IPO7: variants seen among roughly 807,000 people sequenced by gnomAD.
IPO7 encodes importin-7.
Under a neutral mutation model 136.4 loss-of-function variants are expected in IPO7, and 13 were observed. The ratio of observed to expected loss-of-function variants is 0.10; its 90% CI spans 0.06 to 0.15. The LOEUF is 0.15. Among genes scored for constraint, IPO7 ranks in the 10% least tolerant of loss-of-function variants. The pLI, the probability that IPO7 is intolerant of heterozygous loss-of-function variation, is 1.00. For synonymous variants in IPO7, 403 were observed against 404.4 expected (o/e 1.00, Z 0.04); for missense variants, 857 against 1,240.6 (o/e 0.69, Z 4.65).
chr11:9,433,966 C>G, intron 18 of IPO7, 120 bp downstream of exon 18: 1 of 993,646 alleles, frequency 1.0e-6, no homozygotes. Flanking sequence ...TCTTGTTGCC[C>G]AGGCTGGAGT....
chr11:9,397,287 C>T (rs897683473), intron 1 of IPO7, among the ~76,000 whole-genome samples: 59 of 128,784 alleles, frequency 4.6e-4, no homozygotes, highest in African/African-American at 1.7e-3. Context: ...GAGTTCAAGA[C>T]CAGCCTGGCC....
At chr11:9,422,429 C>T (rs576644557) in intron 8 of IPO7, among the ~76,000 whole-genome samples, 6 of 150,682 alleles carry the variant, frequency 4.0e-5, no homozygotes, top group African/African-American at 1.5e-4. Flanking sequence ...TAAAAAAAGA[C>T]AATATCATTA....
intron 22 of IPO7, among the ~76,000 whole-genome samples, chr11:9,439,528 TATC>T (rs1178293347): frequency 1.1e-4 from 16 of 152,168 alleles, no homozygotes; most frequent in Non-Finnish European, 2.2e-4. Flanking sequence ...AAGGTACACA[TATC>T]ATTATAGTTA....
chr11:9,418,315 C>T (rs910697174), intron 6 of IPO7, among the ~76,000 whole-genome samples: 50 of 151,880 alleles, frequency 3.3e-4, no homozygotes, highest in African/African-American at 1.2e-3. Flanking sequence ...GTGATCCACC[C>T]GCCTCAGCCT....
intron 13 of IPO7, 71 bp from the exon 14 acceptor site, chr11:9,428,960 A>G (rs1215316990): frequency 1.5e-6 from 2 of 1,353,204 alleles, no homozygotes; most frequent in African/African-American, 1.4e-5. Context: ...CACAGAACTC[A>G]GGGAATAGAG....
intron 1 of IPO7, among the ~76,000 whole-genome samples, chr11:9,397,377 G>T (rs1333060380): frequency 1.3e-5 from 1 of 76,516 alleles, no homozygotes; most frequent in Non-Finnish European, 2.3e-5. Context: ...AGTCGGGCAC[G>T]GTGGCAGGTG....
chr11:9,415,736 G>T (rs542201776), intron 5 of IPO7, among the ~76,000 whole-genome samples: 9 of 152,172 alleles, frequency 5.9e-5, no homozygotes, highest in African/African-American at 2.2e-4. Flanking sequence ...TACTCAGGAG[G>T]CTGAGGCAGG....
intron 18 of IPO7, 25 bp downstream of exon 18, chr11:9,433,871 C>T (rs370802480): frequency 1.3e-6 from 2 of 1,594,740 alleles, no homozygotes; most frequent in African/African-American, 2.7e-5. Context: ...CATGGAAATA[C>T]TGAGGGTTTT....
At chr11:9,432,155 A>C (rs1247380684) in intron 16 of IPO7, among the ~76,000 whole-genome samples, 1 of 149,668 alleles carries the variant, frequency 6.7e-6, no homozygotes, top group South Asian at 2.1e-4. Context: ...CGTAAATTAC[A>C]TGTTTTCTGC....
chr11:9,387,387 TC>T (rs1167661583), intron 1 of IPO7, among the ~76,000 whole-genome samples: 12 of 152,228 alleles, frequency 7.9e-5, no homozygotes, highest in African/African-American at 2.2e-4. Flanking sequence ...CACATAGTTA[TC>T]CCCCTAACTT....
intron 10 of IPO7, 36 bp downstream of exon 10, chr11:9,423,912 T>A (rs747778993): frequency 7.9e-7 from 1 of 1,266,170 alleles, no homozygotes; most frequent in Admixed American, 1.7e-5. Context: ...ACAAAAAATG[T>A]CAGTAATTAA....
In IPO7 at chr11:9,384,720, C is replaced by T; in HGVS notation, c.-44C>T. ...GCGCAGTGAGTGGCGCTATTCCTGG[C>T]CCAGTAGCACCCGAGCCCCGGGTTT... On this transcript the variant is annotated 5_prime_UTR_variant, in exon 1 of 25. Transcript: ENST00000379719. 6.7e-7 allele frequency: 1 copy of T among 1,494,066 alleles called. No homozygotes were observed. The highest frequency in any genetic ancestry group is 9.1e-7 in the Non-Finnish European group (1 of 1,095,348). The allele number at this position is 1,494,066 out of a possible 1,614,324, so 92.6% of individuals were successfully genotyped here.
chr11:9,408,311 AGT>A (rs1854917215), intron 2 of IPO7, among the ~76,000 whole-genome samples, 173 bp from the exon 3 acceptor site: 1 of 152,162 alleles, frequency 6.6e-6, no homozygotes, highest in Non-Finnish European at 1.5e-5. Context: ...TTGCTGTAAC[AGT>A]GTTCAATTTG....
chr11:9,435,156 G>A lies in IPO7; in HGVS notation c.2172+125G>A, dbSNP rs375050343. On this transcript the variant is annotated intron_variant, in intron 19 of 24. Coordinates refer to ENST00000379719, the MANE Select transcript of IPO7 (RefSeq NM_006391.3). ...AAACATGGATCTGACAGAATTAAGG[G>A]CTTTAAAAGTTAAAAGTCATTGGTC... The A allele has an allele frequency of 1.7e-5, 11 of 644,200 alleles. No homozygotes were observed. The Middle Eastern group carries it at 1.8e-3, about 104-fold the overall frequency. 39.9% of individuals were successfully genotyped at this position (644,200 alleles called of 1,614,324 possible). A position where few individuals can be genotyped will look rare whatever the true frequency, so the allele number is the denominator to read the frequency against.
chr11:9,443,919 G>A (rs1313174728), intron 24 of IPO7, among the ~76,000 whole-genome samples: 7 of 150,782 alleles, frequency 4.6e-5, no homozygotes, highest in Admixed American at 6.6e-5. Flanking sequence ...AAAAACTTAC[G>A]AAGTTAAATA....
chr11:9,417,468 T>G (rs56067293), intron 6 of IPO7, among the ~76,000 whole-genome samples: 3,086 of 152,250 alleles, frequency 0.02, 102 homozygotes, highest in African/African-American at 0.069. Context: ...TTAGCCTAGT[T>G]AATTTGTCAG....
At chr11:9,385,620 A>G (rs749919224) in intron 1 of IPO7, among the ~76,000 whole-genome samples, 7 of 152,140 alleles carry the variant, frequency 4.6e-5, no homozygotes, top group Non-Finnish European at 7.4e-5. Context: ...CATTCATAAA[A>G]TTACGCCACA....
chr11:9,432,333 CTG>C (rs1338969403), intron 16 of IPO7, among the ~76,000 whole-genome samples: 1 of 151,850 alleles, frequency 6.6e-6, no homozygotes, highest in Non-Finnish European at 1.5e-5. Context: ...TCCTGAGTAA[CTG>C]GGAGTGCAGG....
In IPO7 at chr11:9,435,020, A is replaced by G. The variant is rs747379257; in HGVS notation, c.2161A>G (p.Met721Val). ...DTKYLEMIYS[M>V]CKKVLTGVAG... ...CAAGTATCTTGAAATGATATACAGT[A>G]TGTGCAAAAAGGTAGGTCATTTTTA... Residue 721 changes from methionine (M) to valine (V), a missense_variant, in exon 19 of 25, where the codon ATG becomes GTG. This residue lies in a region of IPO7 where 190 missense variants were observed against 249.0 expected (regional missense o/e 0.76). Transcript: ENST00000379719. 6.3e-7 allele frequency: 1 copy of G among 1,590,744 alleles called. No homozygotes were observed. Among genetic ancestry groups the G allele is most frequent in the East Asian group, 2.2e-5 (1 of 44,726 alleles).
Sources: gnomAD v4.1 joint callset for allele counts (sites outside exome capture counted in the v4.1 genomes callset) on GRCh38, gnomAD v4.1.1 for gene constraint, gnomAD v4.1.1 regional missense constraint, MANE v1.5 for transcripts, NCBI Gene and HGNC (gene_info 2026-07-23, HGNC 2026-07-21) for gene names.